FOXP2: variants seen among roughly 807,000 people sequenced by gnomAD.
The protein encoded by FOXP2 is forkhead box protein P2.
In FOXP2, 12 loss-of-function variants were observed where a neutral mutation model predicts 115.8. The ratio of observed to expected loss-of-function variants is 0.10; its 90% CI spans 0.07 to 0.17. The LOEUF is 0.17. FOXP2 is among the 10% of genes least tolerant of loss of function. The probability of loss-of-function intolerance (pLI) is 1.00; values close to 1 mark genes in which losing one functional copy is unlikely to be tolerated. For synonymous variants in FOXP2, 328 were observed against 297.7 expected, an observed-to-expected ratio of 1.10 and a Z score of -1.05; for missense variants, 629 against 843.5, an observed-to-expected ratio of 0.75 and a Z score of 3.15.
intron 1 of FOXP2, chr7:114,285,397 T>C (rs1271862371): frequency 6.6e-6 from 1 of 152,152 alleles, no homozygotes; most frequent in Non-Finnish European, 1.5e-5. Context: ...TATTTCTTCA[T>C]TTATCAGTTT....
At chr7:114,131,716 T>C (rs1791884168) in intron 1 of FOXP2, among the ~76,000 whole-genome samples, 1 of 152,188 alleles carries the variant, frequency 6.6e-6, no homozygotes, top group Admixed American at 6.5e-5. Flanking sequence ...TGTTTTGAGA[T>C]CCTCAAACTA....
chr7:114,292,707 C>T (rs1419230302), intron 2 of FOXP2, among the ~76,000 whole-genome samples: 3 of 152,142 alleles, frequency 2.0e-5, no homozygotes, highest in Non-Finnish European at 4.4e-5. Context: ...CTTACCCTAT[C>T]ATAGTCAATC....
At chr7:114,598,150 A>G (rs1162253920) in intron 3 of FOXP2, among the ~76,000 whole-genome samples, 1 of 152,136 alleles carries the variant, frequency 6.6e-6, no homozygotes, top group Admixed American at 6.6e-5. Context: ...TACTGTGGCC[A>G]AGATCCCTAA....
chr7:114,242,367 GTTCATAATTTC>G (rs1180194702), intron 1 of FOXP2, among the ~76,000 whole-genome samples: 1 of 152,014 alleles, frequency 6.6e-6, no homozygotes, highest in Non-Finnish European at 1.5e-5. Flanking sequence ...CAATTGGGTA[GTTCATAATTTC>G]TTCTACATTT....
At chr7:114,189,211 TC>T (rs1480737723) in intron 1 of FOXP2, among the ~76,000 whole-genome samples, 1 of 152,200 alleles carries the variant, frequency 6.6e-6, no homozygotes, top group Non-Finnish European at 1.5e-5. Flanking sequence ...TATATCCAAT[TC>T]ATGTACATAG....
intron 1 of FOXP2, among the ~76,000 whole-genome samples, chr7:114,109,423 T>C (rs1375520140): frequency 6.6e-6 from 1 of 152,068 alleles, no homozygotes; most frequent in Non-Finnish European, 1.5e-5. Flanking sequence ...TGAAGTGTGG[T>C]TGCAATAATA....
At chr7:114,391,643 C>T (rs747088586) in intron 2 of FOXP2, among the ~76,000 whole-genome samples, 1 of 152,180 alleles carries the variant, frequency 6.6e-6, no homozygotes, top group Non-Finnish European at 1.5e-5. Context: ...GAACTCTCCA[C>T]AAATACTAAC....
intron 16 of FOXP2, among the ~76,000 whole-genome samples, chr7:114,686,573 A>AT (rs1294576599): frequency 1.3e-5 from 2 of 152,182 alleles, no homozygotes; most frequent in Non-Finnish European, 2.9e-5. Flanking sequence ...TCCAGTTCAA[A>AT]TTTTAACTTC....
Position 114,406,495 on chromosome 7 carries a change from G to A in FOXP2, c.-10-20007G>A, listed in dbSNP as rs1029998517. Among the ~76,000 whole-genome samples, 4 of 151,936 alleles carry A rather than the reference G, an allele frequency of 2.6e-5. No homozygotes were observed. The East Asian group carries it at 7.7e-4, about 29-fold the overall frequency. On this transcript the variant is annotated intron_variant, in intron 2 of 17. Transcript: ENST00000634411. ...TTGAATCCTTATCATATGCATTTTA[G>A]CTTTATTTTCAGATATCCATTATAC... is the stretch of plus-strand genomic sequence containing the variant.
intron 8 of FOXP2, chr7:114,645,218 A>G (rs1425691622): frequency 2.3e-5 from 3 of 132,194 alleles, no homozygotes; most frequent in South Asian, 2.4e-4. Context: ...TTTTAATTAC[A>G]GGCTTTATAT....
At chr7:114,312,595 A>G (rs891776523) in intron 2 of FOXP2, among the ~76,000 whole-genome samples, 5 of 152,124 alleles carry the variant, frequency 3.3e-5, no homozygotes, top group Non-Finnish European at 7.4e-5. Flanking sequence ...GTCTATTATT[A>G]TTTCATGGAT....
At chr7:114,463,367 T>C (rs1198772073) in intron 2 of FOXP2, among the ~76,000 whole-genome samples, 2 of 152,248 alleles carry the variant, frequency 1.3e-5, no homozygotes, top group Non-Finnish European at 1.5e-5. Flanking sequence ...TACTCTTTGC[T>C]GTTCAACACA....
intron 2 of FOXP2, among the ~76,000 whole-genome samples, chr7:114,518,967 G>T (rs986751232): frequency 4.6e-5 from 7 of 152,082 alleles, no homozygotes; most frequent in African/African-American, 1.7e-4. Flanking sequence ...TGTACTATGT[G>T]TCTATTCTAC....
intron 2 of FOXP2, among the ~76,000 whole-genome samples, chr7:114,394,718 A>G (rs1792697602): frequency 1.3e-5 from 2 of 152,304 alleles, no homozygotes; most frequent in Middle Eastern, 3.4e-3. Context: ...GGAAACACAG[A>G]CAACCAAAAT....
At position 114,101,602 on chromosome 7, in the gene FOXP2, C is replaced by CT. The variant is rs147236065; in HGVS notation, c.-247+13765dup. ...CAAACCATCTGTTTAATAACCTGCTCTAGAATTTTGTTGGGGAATAGTGTC... is the reference window on the plus strand; with the variant it reads ...CAAACCATCTGTTTAATAACCTGCTCTTAGAATTTTGTTGGGGAATAGTGTC... On this transcript the variant is annotated intron_variant, in intron 1 of 19. Transcript: ENST00000635638. Among the ~76,000 whole-genome samples the CT allele has an allele frequency of 2.5e-3, 383 of 152,148 alleles. 1 individual carries two copies. The highest frequency in any genetic ancestry group is 8.9e-3 in the African/African-American group (369 of 41,532).
chr7:114,264,686 T>A (rs1036210202), intron 1 of FOXP2, among the ~76,000 whole-genome samples: 1 of 152,130 alleles, frequency 6.6e-6, no homozygotes, highest in Non-Finnish European at 1.5e-5. Flanking sequence ...CTGAGCAATT[T>A]ATAAAGAAAA....
Position 114,534,716 on chromosome 7 carries a change from G to A in FOXP2, c.258+10G>A. The A allele has an allele frequency of 6.2e-7, 1 of 1,604,354 alleles. No individual in the cohort carries two copies. The highest frequency in any genetic ancestry group is 1.1e-5 in the South Asian group (1 of 90,936). ...ACAGAGACCACTGCAGGTTAGTAAAGCACTCCTGTCCTTGGGGTCTTATTT... is the reference window on the plus strand; with the variant it reads ...ACAGAGACCACTGCAGGTTAGTAAAACACTCCTGTCCTTGGGGTCTTATTT... On this transcript the variant is annotated intron_variant, in intron 3 of 16. Transcript: ENST00000350908.
At chr7:114,234,794 C>A (rs1037100357) in intron 1 of FOXP2, among the ~76,000 whole-genome samples, 1 of 152,128 alleles carries the variant, frequency 6.6e-6, no homozygotes. Context: ...TCATATTGAT[C>A]TTTTTTCAGC....
chr7:114,376,240 G>A (rs1792134055), intron 2 of FOXP2, among the ~76,000 whole-genome samples: 1 of 152,152 alleles, frequency 6.6e-6, no homozygotes, highest in South Asian at 2.1e-4. Context: ...CTTAATTCTG[G>A]ATAGCAATAA....
Sources: allele counts gnomAD v4.1 joint callset (sites outside exome capture counted in the v4.1 genomes callset), GRCh38; gene constraint gnomAD v4.1.1; transcripts MANE v1.5; gene names NCBI Gene and HGNC (gene_info 2026-07-23, HGNC 2026-07-21).